ARHGEF4: variants seen among roughly 807,000 people sequenced by gnomAD.
The protein encoded by ARHGEF4 is APC-stimulated guanine nucleotide exchange factor 1.
ARHGEF4 carries 119 observed loss-of-function variants against 162.0 expected under a neutral mutation model. The ratio of observed to expected loss-of-function variants is 0.73; its 90% CI spans 0.63 to 0.86. The LOEUF is 0.86. Among genes scored for constraint, ARHGEF4 ranks in the 40% least tolerant of loss-of-function variants. The pLI is 0.00. For synonymous variants in ARHGEF4, 1,014 were observed against 979.9 expected, an observed-to-expected ratio of 1.03 and a Z score of -0.65; for missense variants, 2,488 against 2,456.0, an observed-to-expected ratio of 1.01 and a Z score of -0.28.
intron 2 of ARHGEF4, among the ~76,000 whole-genome samples, chr2:130,930,222 A>T (rs971402909): frequency 2.6e-5 from 4 of 152,136 alleles, no homozygotes; most frequent in Non-Finnish European, 5.9e-5. Flanking sequence ...TTTTTAGCAA[A>T]CAGTACACAC....
intron 1 of ARHGEF4, among the ~76,000 whole-genome samples, chr2:130,857,433 A>G (rs1317276533): frequency 3.8e-4 from 25 of 65,884 alleles, no homozygotes; most frequent in African/African-American, 1.1e-3. Context: ...TAAAGTTTCT[A>G]TATCTGACTA....
At chr2:130,912,838 T>C (rs1002316474) in intron 1 of ARHGEF4, among the ~76,000 whole-genome samples, 1 of 152,194 alleles carries the variant, frequency 6.6e-6, no homozygotes, top group Non-Finnish European at 1.5e-5. Context: ...TTATGCAAAG[T>C]TTCAGTTACC....
intron 4 of ARHGEF4, among the ~76,000 whole-genome samples, chr2:131,001,326 A>AC (rs1687751854): frequency 6.6e-6 from 1 of 151,378 alleles, no homozygotes; most frequent in African/African-American, 2.4e-5. Flanking sequence ...AAAAAAAAAA[A>AC]AACAGAAAGA....
chr2:131,041,819 T>A lies in ARHGEF4; in HGVS notation c.4900T>A (p.Phe1634Ile). 6.2e-7 allele frequency: 1 copy of A among 1,613,212 alleles called. No homozygotes were observed. Among genetic ancestry groups the A allele is most frequent in the East Asian group, 2.2e-5 (1 of 44,882 alleles). Reference protein sequence around the residue: ...LKYTHPQHRDFKDVEAALHAM... With the variant: ...LKYTHPQHRDIKDVEAALHAM... The stretch of plus-strand genomic sequence containing the variant: ...TCCATCTCTGTTCTGCCCCAGGGAC[T>A]TCAAGGATGTTGAAGCCGCCTTGCA... Residue 1634 changes from phenylalanine to isoleucine, a missense_variant, in exon 10 of 14, where the codon TTC becomes ATC. Physicochemically the swap from Phe to Ile is conservative, Grantham distance 21 (BLOSUM62 0). Transcript: ENST00000409359.
intron 3 of ARHGEF4, among the ~76,000 whole-genome samples, chr2:130,945,238 C>A (rs1340514137): frequency 6.6e-6 from 1 of 152,026 alleles, no homozygotes; most frequent in Admixed American, 6.6e-5. Flanking sequence ...GCCCTCCTTT[C>A]CTAGTTTTCT....
intron 5 of ARHGEF4, among the ~76,000 whole-genome samples, chr2:131,029,407 T>C (rs1396324940): frequency 3.3e-5 from 5 of 152,166 alleles, no homozygotes; most frequent in Admixed American, 2.6e-4. Flanking sequence ...TCAAAATCCA[T>C]GGTGCATAAA....
chr2:130,930,991 A>G lies in ARHGEF4; in HGVS notation c.3592A>G (p.Ser1198Gly). Residue 1198 changes from serine to glycine, a missense_variant, in exon 3 of 14, where the codon AGT becomes GGT. Physicochemically the swap from Ser to Gly is moderately conservative, Grantham distance 56. This residue lies in a region of ARHGEF4 where 1,642 missense variants were observed against 1,481.5 expected (regional missense o/e 1.11). Coordinates refer to ENST00000409359, the MANE Select transcript of ARHGEF4 (RefSeq NM_001367493.1). Reference sequence around the variant, plus strand: ...GGAAGAACCAGCAGGTGAGAAGCCCAGTTGCTCTCACAGTCAGAAGGCGTT... The same window carrying G: ...GGAAGAACCAGCAGGTGAGAAGCCCGGTTGCTCTCACAGTCAGAAGGCGTT... ...PWEEPAGEKP[S>G]CSHSQKAFHM... 1 of 1,612,516 alleles carries G rather than the reference A, an allele frequency of 6.2e-7. No homozygotes were observed. Among genetic ancestry groups the G allele is most frequent in the Non-Finnish European group, 8.5e-7 (1 of 1,178,694 alleles).
intron 9 of ARHGEF4, 159 bp downstream of exon 9, chr2:131,041,621 T>C: frequency 1.8e-6 from 2 of 1,093,378 alleles, no homozygotes; most frequent in South Asian, 1.5e-5. Context: ...GGGAAGAGGA[T>C]GCCAACAGGA....
chr2:130,942,243 G>A (rs796688883), intron 3 of ARHGEF4, among the ~76,000 whole-genome samples: 8 of 146,838 alleles, frequency 5.4e-5, no homozygotes, highest in Non-Finnish European at 8.9e-5. Context: ...TCCTCCTCCC[G>A]GGTTCATGCC....
At chr2:130,837,605 C>A (rs1416806241) in intron 1 of ARHGEF4, 1 of 451,834 alleles carries the variant, frequency 2.2e-6, no homozygotes, top group South Asian at 1.6e-5. Context: ...GGGACGCCTC[C>A]ACCTCGCTGC....
chr2:131,041,630 G>A, intron 9 of ARHGEF4, 168 bp downstream of exon 9: 1 of 1,104,468 alleles, frequency 9.1e-7, no homozygotes, highest in Non-Finnish European at 1.3e-6. Context: ...ATGCCAACAG[G>A]ATATTAAGCT....
intron 11 of ARHGEF4, 93 bp from the exon 12 acceptor site, chr2:131,044,206 G>T (rs927401766): frequency 3.8e-5 from 58 of 1,522,566 alleles, no homozygotes; most frequent in Non-Finnish European, 4.6e-5. Flanking sequence ...ATCACCAGCA[G>T]CCCCTCCTAT....
At chr2:131,041,777 C>T (rs969680918) in intron 9 of ARHGEF4, 38 bp from the exon 10 acceptor site, 7 of 1,603,334 alleles carry the variant, frequency 4.4e-6, no homozygotes, top group Admixed American at 3.4e-5. Flanking sequence ...TTCTCTGTCT[C>T]CAGCCTGCAG....
intron 1 of ARHGEF4, among the ~76,000 whole-genome samples, chr2:130,845,284 C>G (rs1389457100): frequency 6.6e-6 from 1 of 151,458 alleles, no homozygotes; most frequent in Non-Finnish European, 1.5e-5. Context: ...CTTTGGGAGG[C>G]CATTTGAGCC....
At chr2:130,900,391 G>T (rs1032376948) in intron 1 of ARHGEF4, among the ~76,000 whole-genome samples, 1 of 152,028 alleles carries the variant, frequency 6.6e-6, no homozygotes, top group Non-Finnish European at 1.5e-5. Context: ...GTCTTGTTTG[G>T]TGTATACATA....
At chr2:130,879,511 C>T (rs1679062882) in intron 1 of ARHGEF4, among the ~76,000 whole-genome samples, 1 of 152,084 alleles carries the variant, frequency 6.6e-6, no homozygotes, top group African/African-American at 2.4e-5. Context: ...ACTATAGTCA[C>T]CATGGTATAC....
At chr2:130,843,594 C>A (rs1680751382) in intron 1 of ARHGEF4, among the ~76,000 whole-genome samples, 1 of 152,212 alleles carries the variant, frequency 6.6e-6, no homozygotes. Flanking sequence ...CAAGGGGGGG[C>A]ACGGTTCCCA....
intron 1 of ARHGEF4, among the ~76,000 whole-genome samples, chr2:130,903,275 T>C (rs1421133771): frequency 5.3e-5 from 8 of 151,960 alleles, no homozygotes; most frequent in South Asian, 2.1e-4. Flanking sequence ...CTTTTTTTTT[T>C]CCCCAAGACA....
intron 4 of ARHGEF4, among the ~76,000 whole-genome samples, chr2:131,027,148 GACCC>G (rs1689533286): frequency 6.6e-6 from 1 of 152,186 alleles, no homozygotes. Context: ...CACAGGGAAT[GACCC>G]ACCCTGCTCC....
Sources: gnomAD v4.1 joint callset for allele counts (sites outside exome capture counted in the v4.1 genomes callset) on GRCh38, gnomAD v4.1.1 for gene constraint, gnomAD v4.1.1 regional missense constraint, MANE v1.5 for transcripts, NCBI Gene and HGNC (gene_info 2026-07-23, HGNC 2026-07-21) for gene names.